Variants in CHD1L observed in about 807,000 individuals in gnomAD.
CHD1L encodes the protein ATP-dependent chromatin remodeler CHD1L.
Under a neutral mutation model 115.9 loss-of-function variants are expected in CHD1L, and 118 were observed. The ratio of observed to expected loss-of-function variants is 1.02; its 90% CI spans 0.88 to 1.19. The LOEUF (loss-of-function observed/expected upper bound fraction) is 1.19. Among genes scored for constraint, CHD1L ranks in the 50% most tolerant of loss-of-function variants. CHD1L has a pLI of 0.00. For synonymous variants in CHD1L, 411 were observed against 387.1 expected (o/e 1.06, Z -0.72); for missense variants, 1,179 against 1,065.3 (o/e 1.11, Z -1.49).
chr1:147,204,788 G>C, the CHD1L span: 1 of 1,586,148 alleles, frequency 6.3e-7, no homozygotes, highest in Admixed American at 1.7e-5. Context: ...ATTCCATTTC[G>C]TCCATATGCT....
chr1:147,214,355 G>C, the CHD1L span, among the ~76,000 whole-genome samples: 44 of 152,158 alleles, frequency 2.9e-4, no homozygotes, highest in East Asian at 8.3e-3. Flanking sequence ...GGAGGCTGAG[G>C]CGGGAGAATT....
the CHD1L span, among the ~76,000 whole-genome samples, chr1:147,226,630 A>C: frequency 6.6e-6 from 1 of 152,146 alleles, no homozygotes; most frequent in African/African-American, 2.4e-5. Context: ...AGGGGTTGTA[A>C]GAGGCATGGA....
rs183650448 is a variant in CHD1L at position 147,255,944 on chromosome 1, C to A, written c.462+17C>A. ...ACCTATGAGGTATTCATTCGTTTCTCTATAGCGAGAACTCCTAACCTGTGA... is the reference window on the plus strand; with the variant it reads ...ACCTATGAGGTATTCATTCGTTTCTATATAGCGAGAACTCCTAACCTGTGA... On this transcript the variant is annotated intron_variant, in intron 4 of 22. Transcript: ENST00000369258. 3.8e-6 allele frequency: 6 copies of A among 1,559,990 alleles called. No homozygotes were observed. The African/African-American group carries it at 8.1e-5, about 21-fold the overall frequency.
Position 147,268,821 on chromosome 1 carries a change from CTG to C in CHD1L, c.1029_1030del (p.Glu344GlyfsTer2), listed in dbSNP as rs1553950543. On this transcript the variant is annotated frameshift_variant, in exon 10 of 23. Coordinates refer to ENST00000369258, the MANE Select transcript of CHD1L (RefSeq NM_004284.6). LOFTEE classifies it high-confidence loss of function. Reference sequence around the variant, plus strand: ...CCTTTTGAAGTTGGAGACCACCTGACTGAGGCTAGTGGGAAGCTTCACCTGCT... The same window carrying C: ...CCTTTTGAAGTTGGAGACCACCTGACAGGCTAGTGGGAAGCTTCACCTGCT... 1 of 1,613,738 alleles carries C rather than the reference CTG, an allele frequency of 6.2e-7. No individual in the cohort carries two copies. Among genetic ancestry groups the C allele is most frequent in the Non-Finnish European group, 8.5e-7 (1 of 1,179,734 alleles).
chr1:147,259,938 T>G lies in CHD1L; in HGVS notation c.576+20T>G. ...TCAGAGGTAAACTTACAGTGTAGCCTTAGTTTTTATATAACCCCTTCTTTT... is the reference window on the plus strand; with the variant it reads ...TCAGAGGTAAACTTACAGTGTAGCCGTAGTTTTTATATAACCCCTTCTTTT... On this transcript the variant is annotated intron_variant, in intron 6 of 22. Coordinates refer to ENST00000369258, the MANE Select transcript of CHD1L (RefSeq NM_004284.6). 2 of 1,566,824 alleles carry G rather than the reference T, an allele frequency of 1.3e-6. No homozygotes were observed. The highest frequency in any genetic ancestry group is 1.7e-6 in the Non-Finnish European group (2 of 1,144,250).
In CHD1L at chr1:147,293,721, A is replaced by G. The variant is rs1553973269; in HGVS notation, c.2505A>G (p.Lys835=). The G allele has an allele frequency of 6.2e-7, 1 of 1,610,820 alleles. No homozygotes were observed. The highest frequency in any genetic ancestry group is 1.1e-5 in the South Asian group (1 of 91,010). ...KKIFLAAKKK[K]ASVHLPRIGH... is the part of the protein sequence containing the mutation. Reference sequence around the variant, plus strand: ...TATTTTTAGCAGCAAAAAAGAAGAAAGGTAAGCTCTTCCACCTGTGCTCAA... The same window carrying G: ...TATTTTTAGCAGCAAAAAAGAAGAAGGGTAAGCTCTTCCACCTGTGCTCAA... Residue 835 remains lysine (K), a splice_region_variant and synonymous_variant, in exon 21 of 23, where the codon AAA becomes AAG. Coordinates refer to ENST00000369258, the MANE Select transcript of CHD1L (RefSeq NM_004284.6).
chr1:147,225,890 T>A, the CHD1L span: 1 of 152,298 alleles, frequency 6.6e-6, no homozygotes, highest in East Asian at 1.9e-4. Context: ...TTGGCCTTTT[T>A]AAAGGCTTAC....
chr1:147,271,573 C>A (rs1219061503), intron 11 of CHD1L, among the ~76,000 whole-genome samples: 4 of 152,084 alleles, frequency 2.6e-5, no homozygotes, highest in Non-Finnish European at 5.9e-5. Flanking sequence ...CCAGACCTTA[C>A]AATTTAAAAA....
the CHD1L span, among the ~76,000 whole-genome samples, chr1:147,195,514 G>A: frequency 6.6e-6 from 1 of 152,112 alleles, no homozygotes; most frequent in Non-Finnish European, 1.5e-5. Flanking sequence ...TTTGATAAGA[G>A]TAGGGGTTAA....
the CHD1L span, among the ~76,000 whole-genome samples, chr1:147,182,780 C>CAT: frequency 6.6e-6 from 1 of 152,146 alleles, no homozygotes; most frequent in African/African-American, 2.4e-5. Flanking sequence ...TCAAGGATGA[C>CAT]ATATATATAC....
chr1:147,278,523 G>GT (rs1553959655), intron 14 of CHD1L, among the ~76,000 whole-genome samples: 2 of 147,750 alleles, frequency 1.4e-5, no homozygotes, highest in East Asian at 2.0e-4. Context: ...GCGCCTGGGG[G>GT]TATTTTTTTT....
At chr1:147,191,293 C>A in the CHD1L span, among the ~76,000 whole-genome samples, 1 of 151,558 alleles carries the variant, frequency 6.6e-6, no homozygotes, top group Admixed American at 6.6e-5. Flanking sequence ...AGTTTACAGT[C>A]CCACCAACAG....
At chr1:147,245,609 G>A (rs143154825) in intron 1 of CHD1L, among the ~76,000 whole-genome samples, 2,530 of 152,066 alleles carry the variant, frequency 0.017, 31 homozygotes, top group Non-Finnish European at 0.027. Context: ...CCTACCAAGG[G>A]TAATTTCTGG....
chr1:147,292,446 G>C (rs587697247), intron 20 of CHD1L, among the ~76,000 whole-genome samples: 4 of 152,284 alleles, frequency 2.6e-5, no homozygotes, highest in African/African-American at 7.2e-5. Flanking sequence ...TTTTAAGCCA[G>C]AATTAAGAAA....
intron 13 of CHD1L, 111 bp from the exon 14 acceptor site, chr1:147,275,993 C>A: frequency 9.4e-7 from 1 of 1,060,420 alleles, no homozygotes; most frequent in Non-Finnish European, 1.4e-6. Flanking sequence ...TTTCATTGTA[C>A]CCTGAATATG....
At chr1:147,224,828 T>C in the CHD1L span, 1 of 1,515,212 alleles carries the variant, frequency 6.6e-7, no homozygotes, top group African/African-American at 1.4e-5. Context: ...ACTGTTAAGA[T>C]AAACTGTCGT....
At chr1:147,262,063 G>A (rs1553944501) in intron 6 of CHD1L, among the ~76,000 whole-genome samples, 1 of 151,982 alleles carries the variant, frequency 6.6e-6, no homozygotes, top group African/African-American at 2.4e-5. Context: ...GGGCATGGTG[G>A]TGGGCGCCTG....
At chr1:147,273,011 C>T (rs1466260387) in intron 12 of CHD1L, among the ~76,000 whole-genome samples, 1 of 151,762 alleles carries the variant, frequency 6.6e-6, no homozygotes, top group Non-Finnish European at 1.5e-5. Context: ...ACCAGCCTGG[C>T]CAACATGGTG....
the CHD1L span, chr1:147,201,088 A>C: frequency 6.9e-6 from 8 of 1,159,526 alleles, no homozygotes; most frequent in South Asian, 7.2e-5. Context: ...TTTAAAAACA[A>C]GTACCTAAAC....
Sources: allele counts gnomAD v4.1 joint callset (sites outside exome capture counted in the v4.1 genomes callset), GRCh38; gene constraint gnomAD v4.1.1; transcripts MANE v1.5; gene names NCBI Gene and HGNC (gene_info 2026-07-23, HGNC 2026-07-21).